MTPAP: variants seen among roughly 807,000 people sequenced by gnomAD.
The protein encoded by MTPAP is poly(A) RNA polymerase, mitochondrial.
In MTPAP, 23 loss-of-function variants were observed where a neutral mutation model predicts 48.7. The ratio of observed to expected loss-of-function variants is 0.47; its 90% confidence interval spans 0.34 to 0.67. The LOEUF (loss-of-function observed/expected upper bound fraction) is 0.67, where lower values mean the gene tolerates loss of function less well. MTPAP is among the 30% of genes least tolerant of loss of function. The pLI is 0.01. For missense variants in MTPAP, 614 were observed against 694.3 expected (o/e 0.88, Z 1.30); for synonymous variants, 257 against 254.1 (o/e 1.01, Z -0.11).
At chr10:30,316,237 C>G in intron 6 of MTPAP, 27 bp from the exon 7 acceptor site, 1 of 1,567,940 alleles carries the variant, frequency 6.4e-7, no homozygotes, top group Non-Finnish European at 8.8e-7. Flanking sequence ...AAATATTTCA[C>G]GTGTTTTTTT....
At chr10:30,338,308 CAACATAACATT>C (rs1448883596) in intron 3 of MTPAP, among the ~76,000 whole-genome samples, 3 of 135,072 alleles carry the variant, frequency 2.2e-5, no homozygotes. Flanking sequence ...ATTAACATAA[CAACATAACATT>C]AACATAACAT....
At chr10:30,337,531 T>C (rs912755694) in intron 3 of MTPAP, among the ~76,000 whole-genome samples, 2 of 152,280 alleles carry the variant, frequency 1.3e-5, no homozygotes, top group South Asian at 4.2e-4. Context: ...GGCAAGGAGT[T>C]TGAGATCAGC....
intron 3 of MTPAP, among the ~76,000 whole-genome samples, 166 bp from the exon 4 acceptor site, chr10:30,337,193 G>A (rs1393415099): frequency 6.6e-6 from 1 of 152,226 alleles, no homozygotes; most frequent in African/African-American, 2.4e-5. Flanking sequence ...GGGAGGCCAA[G>A]GCAGGTGGAT....
intron 4 of MTPAP, among the ~76,000 whole-genome samples, chr10:30,328,797 C>G (rs1381790997): frequency 6.6e-6 from 1 of 151,954 alleles, no homozygotes; most frequent in Non-Finnish European, 1.5e-5. Flanking sequence ...AACTCAGAAG[C>G]TTTGGGGCAG....
At chr10:30,318,005 A>C (rs1432930318) in intron 6 of MTPAP, among the ~76,000 whole-genome samples, 1 of 152,020 alleles carries the variant, frequency 6.6e-6, no homozygotes, top group Non-Finnish European at 1.5e-5. Flanking sequence ...CTACAGGCGA[A>C]CACCACCACA....
intron 4 of MTPAP, among the ~76,000 whole-genome samples, chr10:30,331,502 T>C (rs1217053700): frequency 6.6e-6 from 1 of 152,238 alleles, no homozygotes; most frequent in African/African-American, 2.4e-5. Flanking sequence ...AGGTGACATA[T>C]TTCACATGTA....
intron 3 of MTPAP, among the ~76,000 whole-genome samples, chr10:30,339,562 C>T (rs1414385842): frequency 6.6e-6 from 1 of 150,942 alleles, no homozygotes; most frequent in Non-Finnish European, 1.5e-5. Flanking sequence ...AATTTTATGT[C>T]ATTATGCTGG....
intron 6 of MTPAP, among the ~76,000 whole-genome samples, chr10:30,320,534 TAATA>T (rs948866979): frequency 6.6e-6 from 1 of 151,634 alleles, no homozygotes; most frequent in African/African-American, 2.4e-5. Context: ...AATAAATAAA[TAATA>T]AATAAAATTT....
chr10:30,326,386 A>C (rs1834597610), intron 5 of MTPAP, 38 bp downstream of exon 5: 1 of 1,539,532 alleles, frequency 6.5e-7, no homozygotes, highest in African/African-American at 1.4e-5. Flanking sequence ...ATATATCAGA[A>C]TATTCATATT....
intron 5 of MTPAP, among the ~76,000 whole-genome samples, chr10:30,322,827 T>C (rs533163346): frequency 1.7e-4 from 26 of 152,148 alleles, no homozygotes; most frequent in African/African-American, 5.8e-4. Context: ...CATTAAAACA[T>C]CCTCTTAAAA....
intron 3 of MTPAP, among the ~76,000 whole-genome samples, chr10:30,338,151 C>G (rs114772186): frequency 0.016 from 2,380 of 151,880 alleles, 60 homozygotes; most frequent in African/African-American, 0.053. Flanking sequence ...GTAGTCTCAG[C>G]TACTCAGAAG....
chr10:30,315,985 T>C lies in MTPAP; in HGVS notation c.1364A>G (p.Lys455Arg). The C allele has an allele frequency of 1.9e-6, 3 of 1,603,462 alleles. No individual in the cohort carries two copies. The highest frequency in any genetic ancestry group is 2.6e-6 in the Non-Finnish European group (3 of 1,172,336). The change falls in exon 8 of 9, where the codon AAA becomes AGA. Residue 455 changes from lysine to arginine, a missense_variant. Transcript: ENST00000263063. ...TACCTGTCGAATATTTATGGAATTTTTATCGAAAGCAAAATTGCCAAAATA... is the reference window on the plus strand; with the variant it reads ...TACCTGTCGAATATTTATGGAATTTCTATCGAAAGCAAAATTGCCAAAATA... ...FEYFGNFAFD[K>R]NSINIRQGRE...
chr10:30,334,094 A>C (rs1427629615), intron 4 of MTPAP, among the ~76,000 whole-genome samples: 1 of 152,172 alleles, frequency 6.6e-6, no homozygotes, highest in Non-Finnish European at 1.5e-5. Context: ...AGATACATAC[A>C]TCAGCTACTC....
Position 30,340,310 on chromosome 10 carries a change from A to G in MTPAP, c.471T>C (p.Thr157=). The G allele has an allele frequency of 6.2e-7, 1 of 1,614,190 alleles. No homozygotes were observed. Among genetic ancestry groups the G allele is most frequent in the Non-Finnish European group, 8.5e-7 (1 of 1,180,028 alleles). Residue 157 remains threonine, a synonymous_variant, in exon 3 of 9, where the codon ACT becomes ACC. Coordinates refer to ENST00000263063, the MANE Select transcript of MTPAP (RefSeq NM_018109.4). ...RFFNLKLKNQ[T]SERSRVRSSN... ...TTGACCGTACGCGTGACCGTTCAGA[A>G]GTCTGGTTTTTCAACTTCAGATTGA... is the stretch of plus-strand genomic sequence containing the variant.
rs932677660 is a variant in MTPAP at position 30,327,166 on chromosome 10, C to CA, written c.781-532dup. On this transcript the variant is annotated intron_variant, in intron 4 of 8. Coordinates refer to ENST00000263063, the MANE Select transcript of MTPAP (RefSeq NM_018109.4). ...TTCAACAAATGAGTTAAGTGGCCAT[C>CA]AAAAAAAATAAACCAGATCCTTTGT... Among the ~76,000 whole-genome samples, 10 of 151,444 alleles carry CA rather than the reference C, an allele frequency of 6.6e-5. No homozygotes were observed. In the South Asian group the frequency reaches 8.3e-4, roughly 13 times the overall value.
intron 3 of MTPAP, among the ~76,000 whole-genome samples, chr10:30,338,648 C>G (rs1228853167): frequency 6.6e-6 from 1 of 152,032 alleles, no homozygotes; most frequent in East Asian, 1.9e-4. Flanking sequence ...GCACTCCAGC[C>G]TGGGCAACAA....
intron 3 of MTPAP, among the ~76,000 whole-genome samples, chr10:30,337,538 C>T (rs544450307): frequency 2.0e-5 from 3 of 152,242 alleles, no homozygotes; most frequent in African/African-American, 7.2e-5. Flanking sequence ...AGTTTGAGAT[C>T]AGCCTAAGCA....
chr10:30,333,357 A>G (rs1278842359), intron 4 of MTPAP, among the ~76,000 whole-genome samples: 1 of 152,188 alleles, frequency 6.6e-6, no homozygotes, highest in African/African-American at 2.4e-5. Context: ...GATATGTGCT[A>G]TAACACCATT....
intron 1 of MTPAP, among the ~76,000 whole-genome samples, chr10:30,343,405 C>CAAA (rs1235833038): frequency 1.2e-4 from 11 of 89,738 alleles, no homozygotes; most frequent in African/African-American, 3.3e-4. Flanking sequence ...GAGACTGTCT[C>CAAA]AAAAAAAAAA....
Sources: allele counts gnomAD v4.1 joint callset (sites outside exome capture counted in the v4.1 genomes callset), GRCh38; gene constraint gnomAD v4.1.1; transcripts MANE v1.5; gene names NCBI Gene and HGNC (gene_info 2026-07-23, HGNC 2026-07-21).